The following CEP85L variants were observed in gnomAD, a reference collection of about 807,000 sequenced individuals.
The protein encoded by CEP85L is centrosomal protein 85L.
Under a neutral mutation model 100.3 loss-of-function variants are expected in CEP85L, and 60 were observed. That is an observed-to-expected ratio of 0.60 (90% CI 0.49 to 0.74). The LOEUF is 0.74. CEP85L is among the 30% of genes least tolerant of loss of function. The probability of loss-of-function intolerance (pLI) is 0.00; values close to 1 mark genes in which losing one functional copy is unlikely to be tolerated. For missense variants in CEP85L, 973 were observed against 936.2 expected (o/e 1.04, Z -0.51); for synonymous variants, 319 against 322.7 (o/e 0.99, Z 0.12).
At chr6:118,675,164 ATGC>A (rs1283276181) in intron 1 of CEP85L, among the ~76,000 whole-genome samples, 2 of 136,112 alleles carry the variant, frequency 1.5e-5, no homozygotes, top group African/African-American at 2.6e-5. Context: ...GTGCTGTTAC[ATGC>A]TACAACATGG....
In CEP85L at chr6:118,702,579, A is replaced by G. The variant is rs545605075; in HGVS notation, c.-28+7457T>C. Among the ~76,000 whole-genome samples, 8 of 152,364 alleles carry G rather than the reference A, an allele frequency of 5.3e-5. No homozygotes were observed. In the South Asian group the frequency reaches 1.2e-3, roughly 24 times the overall value. On this transcript the variant is annotated intron_variant, in intron 1 of 13. Coordinates refer to the CEP85L transcript ENST00000368488. Reference sequence around the variant, plus strand: ...TGAAATGAAATAAGTGGGAGAAAAAAGTAGTGTGTGCATTTCTTTATATAG... The same window carrying G: ...TGAAATGAAATAAGTGGGAGAAAAAGGTAGTGTGTGCATTTCTTTATATAG...
At chr6:118,524,804 G>A (rs1180405497) in intron 3 of CEP85L, among the ~76,000 whole-genome samples, 2 of 152,232 alleles carry the variant, frequency 1.3e-5, no homozygotes, top group African/African-American at 4.8e-5. Context: ...CTGTGCAGAT[G>A]AGGAAACCTG....
chr6:118,687,826 T>C (rs1453796958), intron 1 of CEP85L, among the ~76,000 whole-genome samples: 1 of 152,122 alleles, frequency 6.6e-6, no homozygotes, highest in African/African-American at 2.4e-5. Flanking sequence ...GCAGGGCACC[T>C]CCTGATCCAG....
At chr6:118,501,820 GAGAGA>G in intron 5 of CEP85L, 1 of 1,278,196 alleles carries the variant, frequency 7.8e-7, no homozygotes, top group Non-Finnish European at 1.1e-6. Flanking sequence ...GAGAGAGAGA[GAGAGA>G]GAGAGAGGAC....
intron 3 of CEP85L, among the ~76,000 whole-genome samples, chr6:118,528,592 C>G (rs944329506): frequency 3.3e-5 from 5 of 152,092 alleles, no homozygotes; most frequent in South Asian, 2.1e-4. Flanking sequence ...AAACTTAAAC[C>G]CTGATTCATA....
At position 118,502,224 on chromosome 6, in the gene CEP85L, T is replaced by C; in HGVS notation, c.1257+9074A>G. 5.9e-6 allele frequency: 4 copies of C among 673,062 alleles called. No individual in the cohort carries two copies. The South Asian group carries it at 7.4e-5, about 12-fold the overall frequency. 41.7% of individuals were successfully genotyped at this position (673,062 alleles called of 1,614,324 possible). On this transcript the variant is annotated intron_variant, in intron 5 of 12. Transcript: ENST00000368491. ...ATTTGAATTATGGACCCTGGAGTTC[T>C]TATGTACCGCATTATGACTCCACAT... is the stretch of plus-strand genomic sequence containing the variant.
chr6:118,476,787 G>C (rs1773415486), intron 10 of CEP85L, among the ~76,000 whole-genome samples: 1 of 152,146 alleles, frequency 6.6e-6, no homozygotes, highest in Non-Finnish European at 1.5e-5. Flanking sequence ...TCTATCTTTT[G>C]TGATATTATG....
chr6:118,547,903 G>GC (rs1437875204), intron 3 of CEP85L, among the ~76,000 whole-genome samples: 1 of 152,022 alleles, frequency 6.6e-6, no homozygotes, highest in Non-Finnish European at 1.5e-5. Context: ...AGCAACAGCA[G>GC]CAAGAATTCA....
intron 3 of CEP85L, chr6:118,538,064 A>G: frequency 2.3e-6 from 1 of 437,608 alleles, no homozygotes; most frequent in South Asian, 9.9e-5. Context: ...TGTTATTACT[A>G]AAAGAACTGT....
intron 3 of CEP85L, among the ~76,000 whole-genome samples, chr6:118,538,867 T>G (rs905179418): frequency 6.6e-6 from 1 of 152,058 alleles, no homozygotes; most frequent in African/African-American, 2.4e-5. Flanking sequence ...AAACAGAATT[T>G]AATGAATCAA....
intron 2 of CEP85L, among the ~76,000 whole-genome samples, chr6:118,620,955 C>G (rs555104178): frequency 6.6e-6 from 1 of 152,242 alleles, no homozygotes; most frequent in African/African-American, 2.4e-5. Flanking sequence ...ATACGGGGGA[C>G]AAATTACCCA....
chr6:118,642,671 T>C lies in CEP85L; in HGVS notation c.73+8526A>G, dbSNP rs893829211. Among the ~76,000 whole-genome samples, 23 of 152,152 alleles carry C rather than the reference T, an allele frequency of 1.5e-4. 1 individual carries two copies. Among genetic ancestry groups the C allele is most frequent in the Admixed American group, 2.0e-4 (3 of 15,270 alleles). On this transcript the variant is annotated intron_variant, in intron 1 of 12. Transcript: ENST00000368491. ...GTTCACATCTGTAACACCAGCACTT[T>C]GGGAGGCTGAGCAGGGTGGATCACC...
chr6:118,702,795 G>C (rs1432095118), intron 1 of CEP85L, among the ~76,000 whole-genome samples: 1 of 152,138 alleles, frequency 6.6e-6, no homozygotes, highest in African/African-American at 2.4e-5. Flanking sequence ...AGGAGATTTA[G>C]ACTACCGTGG....
intron 2 of CEP85L, among the ~76,000 whole-genome samples, chr6:118,591,218 G>C (rs1781171819): frequency 6.6e-6 from 1 of 152,138 alleles, no homozygotes; most frequent in Non-Finnish European, 1.5e-5. Flanking sequence ...AGGGTCTGGA[G>C]GCAGGGAACC....
chr6:118,605,609 G>A (rs1445928193), intron 2 of CEP85L, among the ~76,000 whole-genome samples: 2 of 152,192 alleles, frequency 1.3e-5, no homozygotes, highest in Non-Finnish European at 2.9e-5. Flanking sequence ...GGGGTTTCAT[G>A]AGGAAAAGAG....
chr6:118,590,539 G>A (rs752430236), intron 2 of CEP85L, among the ~76,000 whole-genome samples: 15 of 151,916 alleles, frequency 9.9e-5, no homozygotes, highest in Admixed American at 7.9e-4. Context: ...TTTTTTTGGC[G>A]GGTTAAGTGA....
chr6:118,644,978 C>T (rs1775089217), intron 1 of CEP85L, among the ~76,000 whole-genome samples: 1 of 152,222 alleles, frequency 6.6e-6, no homozygotes, highest in African/African-American at 2.4e-5. Flanking sequence ...ATAGTAGGCA[C>T]TCAATGTGCT....
intron 10 of CEP85L, among the ~76,000 whole-genome samples, chr6:118,471,219 C>A (rs1362339356): frequency 6.6e-6 from 1 of 151,920 alleles, no homozygotes. Context: ...TATAAAATTG[C>A]AAATTACCTA....
chr6:118,491,294 C>A, intron 6 of CEP85L: 1 of 208,018 alleles, frequency 4.8e-6, no homozygotes, highest in Non-Finnish European at 8.8e-6. Context: ...GCTTCTTATT[C>A]TGAATCAGGG....
Sources: gnomAD v4.1 joint callset for allele counts (sites outside exome capture counted in the v4.1 genomes callset) on GRCh38, gnomAD v4.1.1 for gene constraint, MANE v1.5 for transcripts, NCBI Gene and HGNC (gene_info 2026-07-23, HGNC 2026-07-21) for gene names.